The following COL23A1 variants were observed in gnomAD, a reference collection of about 807,000 sequenced individuals.
The protein encoded by COL23A1 is collagen alpha-1(XXIII) chain.
A neutral mutation model predicts 99.3 loss-of-function variants in COL23A1; 97 were observed. That is an observed-to-expected ratio of 0.98 (90% CI 0.83 to 1.16). COL23A1 has a LOEUF of 1.16. Ranked by LOEUF, COL23A1 falls within the 50% of genes most tolerant of loss-of-function variation. COL23A1 has a pLI of 0.00. For missense variants in COL23A1, 762 were observed against 757.4 expected (o/e 1.01, Z -0.07); for synonymous variants, 320 against 308.2 (o/e 1.04, Z -0.40).
chr5:178,332,310 G>A (rs1051955636), intron 2 of COL23A1, among the ~76,000 whole-genome samples: 1 of 152,108 alleles, frequency 6.6e-6, no homozygotes, highest in East Asian at 1.9e-4. Context: ...TGTGATTTAC[G>A]GTCCACCCAT....
chr5:178,266,565 C>T (rs1472220918), intron 8 of COL23A1, among the ~76,000 whole-genome samples: 1 of 152,064 alleles, frequency 6.6e-6, no homozygotes, highest in Non-Finnish European at 1.5e-5. Flanking sequence ...CTCCACACAC[C>T]CACCAGGAAA....
chr5:178,246,308 C>G lies in COL23A1; in HGVS notation c.1360-1G>C. Reference sequence around the variant, plus strand: ...TAAGGCCCGGTGGGCCAACTGGCCCCTGGATAGAAAAGGAATGAGTCAAGA... The same window carrying G: ...TAAGGCCCGGTGGGCCAACTGGCCCGTGGATAGAAAAGGAATGAGTCAAGA... On this transcript the variant is annotated splice_acceptor_variant, in intron 23 of 28. Coordinates refer to ENST00000390654, the MANE Select transcript of COL23A1 (RefSeq NM_173465.4). LOFTEE classifies it high-confidence loss of function. 3 of 1,556,772 alleles carry G rather than the reference C, an allele frequency of 1.9e-6. No homozygotes were observed. The highest frequency in any genetic ancestry group is 2.6e-6 in the Non-Finnish European group (3 of 1,149,394).
intron 2 of COL23A1, among the ~76,000 whole-genome samples, chr5:178,484,089 C>G (rs1397981253): frequency 6.6e-6 from 1 of 151,984 alleles, no homozygotes. Flanking sequence ...CCACATCTGC[C>G]TAATTTTTGT....
chr5:178,271,444 T>C (rs982411203), intron 5 of COL23A1, among the ~76,000 whole-genome samples: 1 of 152,226 alleles, frequency 6.6e-6, no homozygotes, highest in Non-Finnish European at 1.5e-5. Flanking sequence ...GGAAGCCTTC[T>C]AGGGTTTTCT....
rs916767277 is a variant in COL23A1 at position 178,434,924 on chromosome 5, C to T, written c.361+125758G>A. The stretch of plus-strand genomic sequence containing the variant: ...CAGCCCTTGCAGGGCAGCCCAGCCC[C>T]GACCCTGCCGCCGGTCAAGACTGTG... On this transcript the variant is annotated intron_variant, in intron 2 of 28. Coordinates refer to ENST00000390654, the MANE Select transcript of COL23A1 (RefSeq NM_173465.4). The surrounding 1 kb of genome is among the most constrained non-coding windows in gnomAD (Gnocchi z 4.3). Among the ~76,000 whole-genome samples the T allele has an allele frequency of 9.2e-5, 14 of 152,066 alleles. 1 individual carries two copies. The highest frequency in any genetic ancestry group is 1.9e-4 in the Non-Finnish European group (13 of 67,952).
At chr5:178,245,140 A>G (rs572220360) in intron 25 of COL23A1, among the ~76,000 whole-genome samples, 1 of 134,364 alleles carries the variant, frequency 7.4e-6, no homozygotes, top group Admixed American at 7.6e-5. Context: ...TCCACTCATC[A>G]TCTATCATCC....
chr5:178,366,499 C>A lies in COL23A1; in HGVS notation c.362-59580G>T, dbSNP rs1762486975. On this transcript the variant is annotated intron_variant, in intron 2 of 28. Coordinates refer to ENST00000390654, the MANE Select transcript of COL23A1 (RefSeq NM_173465.4). This position sits in a 1 kb window ranked among gnomAD's most constrained non-coding sequence, Gnocchi z 4.4. ...ATCTTTGCTCACGGCGTCTTCTGCACCTGCACTCCCATCTGACCTTTCCAG... is the reference window on the plus strand; with the variant it reads ...ATCTTTGCTCACGGCGTCTTCTGCAACTGCACTCCCATCTGACCTTTCCAG... Among the ~76,000 whole-genome samples the A allele has an allele frequency of 6.6e-6, 1 of 152,216 alleles. No homozygotes were observed. Among genetic ancestry groups the A allele is most frequent in the African/African-American group, 2.4e-5 (1 of 41,458 alleles).
intron 2 of COL23A1, among the ~76,000 whole-genome samples, chr5:178,532,873 G>A (rs1422873965): frequency 6.6e-6 from 1 of 152,200 alleles, no homozygotes; most frequent in East Asian, 1.9e-4. Flanking sequence ...TACAAGCCAG[G>A]AAGAGAGGCC....
intron 2 of COL23A1, among the ~76,000 whole-genome samples, chr5:178,446,097 A>T (rs780144551): frequency 2.6e-5 from 4 of 151,976 alleles, no homozygotes; most frequent in Non-Finnish European, 4.4e-5. Context: ...ATTTCCATAT[A>T]TATATATTTT....
intron 1 of COL23A1, among the ~76,000 whole-genome samples, chr5:178,571,396 ATACT>A (rs1248181964): frequency 3.3e-5 from 5 of 152,172 alleles, no homozygotes; most frequent in Admixed American, 2.6e-4. Flanking sequence ...AAAAAATAAA[ATACT>A]TAGGGGAGCA....
intron 8 of COL23A1, among the ~76,000 whole-genome samples, chr5:178,266,264 C>T (rs536144607): frequency 6.6e-6 from 1 of 152,242 alleles, no homozygotes; most frequent in East Asian, 1.9e-4. Flanking sequence ...TGGTCTCAAA[C>T]TCCTGACCTC....
At chr5:178,554,921 C>T (rs1391341709) in intron 2 of COL23A1, among the ~76,000 whole-genome samples, 1 of 152,162 alleles carries the variant, frequency 6.6e-6, no homozygotes, top group Non-Finnish European at 1.5e-5. Context: ...AACAACCATC[C>T]CCTCTATCCA....
At chr5:178,515,447 AG>A (rs1291256808) in intron 2 of COL23A1, among the ~76,000 whole-genome samples, 1 of 152,188 alleles carries the variant, frequency 6.6e-6, no homozygotes, top group African/African-American at 2.4e-5. Flanking sequence ...CAGCCAGAGT[AG>A]GGACATGTCA....
chr5:178,333,890 C>CTGGG lies in COL23A1; in HGVS notation c.362-26972_362-26971insCCCA, dbSNP rs879755371. Among the ~76,000 whole-genome samples the CTGGG allele has an allele frequency of 6.3e-3, 964 of 152,308 alleles. 4 individuals are homozygous for CTGGG. Among genetic ancestry groups the CTGGG allele is most frequent in the Middle Eastern group, 0.01 (3 of 294 alleles). ...TCTCAGTGATATGAGGTCCCCAGAC[C>CTGGG]TGGACAGGGCCCGTGAGGTAGCCAA... On this transcript the variant is annotated intron_variant, in intron 2 of 28. Transcript: ENST00000390654.
chr5:178,416,196 C>T (rs898824644), intron 2 of COL23A1, among the ~76,000 whole-genome samples: 2 of 152,096 alleles, frequency 1.3e-5, no homozygotes, highest in African/African-American at 4.8e-5. Flanking sequence ...TGTTGTACAT[C>T]TGGATTGCTT....
At chr5:178,321,785 G>A (rs563422358) in intron 2 of COL23A1, among the ~76,000 whole-genome samples, 90 of 151,736 alleles carry the variant, frequency 5.9e-4, no homozygotes, top group African/African-American at 2.1e-3. Flanking sequence ...CACCGCGCCC[G>A]GCCCCGTAGC....
chr5:178,262,194 T>C, intron 10 of COL23A1, 23 bp downstream of exon 10: 1 of 1,574,192 alleles, frequency 6.4e-7, no homozygotes, highest in African/African-American at 1.3e-5. Context: ...AGCCCAGGCC[T>C]CTGGAATGCC....
At chr5:178,403,700 T>C (rs1222301457) in intron 2 of COL23A1, among the ~76,000 whole-genome samples, 1 of 152,240 alleles carries the variant, frequency 6.6e-6, no homozygotes, top group Admixed American at 6.5e-5. Context: ...CTCACAAATG[T>C]GTAACCATTG....
At chr5:178,479,183 G>T (rs1757194824) in intron 2 of COL23A1, among the ~76,000 whole-genome samples, 1 of 152,124 alleles carries the variant, frequency 6.6e-6, no homozygotes, top group Non-Finnish European at 1.5e-5. Flanking sequence ...GGCGCTTTAT[G>T]TGCAGGATTT....
Sources: allele counts gnomAD v4.1 joint callset (sites outside exome capture counted in the v4.1 genomes callset), GRCh38; gene constraint gnomAD v4.1.1; non-coding constraint Gnocchi (gnomAD v3.1); transcripts MANE v1.5; gene names NCBI Gene and HGNC (gene_info 2026-07-23, HGNC 2026-07-21).